ACYP2: variants seen among roughly 807,000 people sequenced by gnomAD.
ACYP2 encodes acylphosphatase 2, also known as acylphosphatase-2.
Under a neutral mutation model 11.2 loss-of-function variants are expected in ACYP2, and 12 were observed. The ratio of observed to expected loss-of-function variants is 1.08; its 90% confidence interval spans 0.69 to 1.74. ACYP2 has a LOEUF of 1.74. ACYP2 is among the 40% of genes most tolerant of loss of function. ACYP2 has a pLI of 0.00. For synonymous variants in ACYP2, 43 were observed against 32.2 expected (o/e 1.33, Z -1.13); for missense variants, 134 against 101.9 (o/e 1.31, Z -1.35).
intron 4 of ACYP2, among the ~76,000 whole-genome samples, chr2:54,129,786 T>G (rs1485444671): frequency 6.7e-6 from 1 of 149,120 alleles, no homozygotes; most frequent in East Asian, 1.9e-4. Context: ...ATCATCACTT[T>G]GAAAGTAAAC....
chr2:54,075,842 TATA>T, intron 4 of ACYP2, among the ~76,000 whole-genome samples: 1 of 152,070 alleles, frequency 6.6e-6, no homozygotes. Flanking sequence ...AATAAAATGA[TATA>T]ATATTTACCT....
intron 6 of ACYP2, among the ~76,000 whole-genome samples, chr2:54,202,269 C>T (rs759815631): frequency 2.7e-5 from 4 of 149,362 alleles, no homozygotes; most frequent in East Asian, 2.0e-4. Context: ...TCACCATGAC[C>T]GGCTAATTTT....
chr2:54,269,619 C>T (rs149627451), intron 6 of ACYP2, among the ~76,000 whole-genome samples: 129 of 152,246 alleles, frequency 8.5e-4, no homozygotes, highest in African/African-American at 2.8e-3. Flanking sequence ...GGTGAAAGAT[C>T]GTAACTCTAG....
intron 4 of ACYP2, among the ~76,000 whole-genome samples, chr2:54,134,291 C>G (rs552940733): frequency 1.3e-5 from 2 of 151,542 alleles, no homozygotes; most frequent in Non-Finnish European, 2.9e-5. Context: ...GACCCTGTCT[C>G]TAAAATAAAT....
intron 2 of ACYP2, among the ~76,000 whole-genome samples, chr2:54,033,370 G>T (rs938440562): frequency 4.0e-5 from 6 of 151,256 alleles, no homozygotes; most frequent in African/African-American, 1.2e-4. Context: ...GCTAATTTTT[G>T]TGTGTGTTTT....
chr2:54,125,674 T>G (rs1274346530), intron 4 of ACYP2, among the ~76,000 whole-genome samples: 1 of 151,936 alleles, frequency 6.6e-6, no homozygotes, highest in Non-Finnish European at 1.5e-5. Context: ...TGCTTGAACC[T>G]GGGAGGTGGA....
In ACYP2 at chr2:53,992,173, TTCTTC is replaced by T. The variant is rs556424085; in HGVS notation, c.62+18364_62+18368del. Among the ~76,000 whole-genome samples, 156 of 151,536 alleles carry T rather than the reference TTCTTC, an allele frequency of 1.0e-3. 1 individual carries two copies. Among genetic ancestry groups the T allele is most frequent in the African/African-American group, 3.6e-3 (147 of 41,310 alleles). On this transcript the variant is annotated intron_variant, in intron 2 of 6. Transcript: ENST00000607452. Reference sequence around the variant, plus strand: ...TTTCTTTCCTTCCTTCCTACTTTTTTTCTTCCTTCCTTCTTTCTCCTTCCTTCCTT... The same window carrying T: ...TTTCTTTCCTTCCTTCCTACTTTTTTCTTCCTTCTTTCTCCTTCCTTCCTT...
intron 2 of ACYP2, among the ~76,000 whole-genome samples, chr2:53,977,987 C>T (rs1671576242): frequency 6.6e-6 from 1 of 151,826 alleles, no homozygotes; most frequent in South Asian, 2.1e-4. Context: ...TCTGGCTGGG[C>T]ATGGTGGCTC....
intron 2 of ACYP2, among the ~76,000 whole-genome samples, chr2:54,022,410 C>A (rs1471439328): frequency 1.3e-5 from 2 of 152,142 alleles, no homozygotes; most frequent in African/African-American, 4.8e-5. Context: ...GAGACAGGTT[C>A]TCACTCTGTC....
intron 4 of ACYP2, among the ~76,000 whole-genome samples, chr2:54,078,784 G>A (rs1677488859): frequency 6.6e-6 from 1 of 151,776 alleles, no homozygotes; most frequent in Non-Finnish European, 1.5e-5. Context: ...TTTTAGTAGA[G>A]ATGTAGTTTC....
Position 54,010,737 on chromosome 2 carries a change from CTTTTTTTT to C in ACYP2, c.62+36948_62+36955del, listed in dbSNP as rs539896151. On this transcript the variant is annotated intron_variant, in intron 2 of 6. Coordinates refer to ENST00000607452, the MANE Select transcript of ACYP2 (RefSeq NM_001320586.2). ...CTTCGGTTTCTCTTTTTCTTTCTTTCTTTTTTTTTTTTTTTTTTTTTTTTTTTTGAGGC... is the reference window on the plus strand; with the variant it reads ...CTTCGGTTTCTCTTTTTCTTTCTTTCTTTTTTTTTTTTTTTTTTTTGAGGC... Among the ~76,000 whole-genome samples, 13 of 107,642 alleles carry C rather than the reference CTTTTTTTT, an allele frequency of 1.2e-4. 1 individual carries two copies. The highest frequency in any genetic ancestry group is 2.8e-4 in the South Asian group (1 of 3,632). The allele number at this position is 107,642 out of a possible 152,430, so 70.6% of individuals were successfully genotyped here.
chr2:54,028,509 A>G (rs1162695275), intron 2 of ACYP2, among the ~76,000 whole-genome samples: 1 of 152,238 alleles, frequency 6.6e-6, no homozygotes, highest in Non-Finnish European at 1.5e-5. Flanking sequence ...CTTAAAGTCC[A>G]GACCCACCAA....
At chr2:54,096,228 C>T (rs1294517351) in intron 4 of ACYP2, among the ~76,000 whole-genome samples, 21 of 148,770 alleles carry the variant, frequency 1.4e-4, no homozygotes, top group African/African-American at 4.5e-4. Flanking sequence ...TCCTCACCTC[C>T]CAGACGGGGC....
chr2:54,170,434 T>A (rs1470553254), intron 6 of ACYP2, among the ~76,000 whole-genome samples: 1 of 152,218 alleles, frequency 6.6e-6, no homozygotes, highest in Middle Eastern at 3.2e-3. Flanking sequence ...ATTACAGGCA[T>A]GAGCCACCAC....
intron 4 of ACYP2, among the ~76,000 whole-genome samples, chr2:54,078,382 A>C (rs1453475776): frequency 6.7e-6 from 1 of 148,344 alleles, no homozygotes; most frequent in Non-Finnish European, 1.5e-5. Context: ...CCATATATAC[A>C]TATATGCAAA....
chr2:54,066,890 T>C (rs964146717), intron 4 of ACYP2, among the ~76,000 whole-genome samples: 1 of 152,206 alleles, frequency 6.6e-6, no homozygotes, highest in Non-Finnish European at 1.5e-5. Flanking sequence ...CAGAAGCTTT[T>C]AAAAACATTA....
At chr2:54,224,312 T>C (rs1477033500) in intron 6 of ACYP2, among the ~76,000 whole-genome samples, 2 of 152,098 alleles carry the variant, frequency 1.3e-5, no homozygotes, top group African/African-American at 2.4e-5. Context: ...GTGCTAAACA[T>C]TGAAGGGTGA....
chr2:53,976,810 A>C (rs1425508260), intron 2 of ACYP2, among the ~76,000 whole-genome samples: 1 of 152,198 alleles, frequency 6.6e-6, no homozygotes, highest in Non-Finnish European at 1.5e-5. Context: ...TCACAGCTAA[A>C]GGAATGAATT....
intron 6 of ACYP2, among the ~76,000 whole-genome samples, chr2:54,265,868 T>A (rs1215527582): frequency 6.6e-6 from 1 of 152,232 alleles, no homozygotes; most frequent in African/African-American, 2.4e-5. Flanking sequence ...AAGCTTAGCA[T>A]ATATTAAGTA....
Sources: gnomAD v4.1 joint callset for allele counts (sites outside exome capture counted in the v4.1 genomes callset) on GRCh38, gnomAD v4.1.1 for gene constraint, MANE v1.5 for transcripts, NCBI Gene and HGNC (gene_info 2026-07-23, HGNC 2026-07-21) for gene names.